USH1C: variants seen among roughly 807,000 people sequenced by gnomAD.
USH1C encodes the protein USH1 protein network component harmonin, also known as harmonin.
In USH1C, 90 loss-of-function variants were observed where a neutral mutation model predicts 119.3. That is an observed-to-expected ratio of 0.75 (90% CI 0.64 to 0.90). USH1C has a LOEUF of 0.90. USH1C is among the 40% of genes least tolerant of loss of function. The pLI, the probability that USH1C is intolerant of heterozygous loss-of-function variation, is 0.00. For synonymous variants in USH1C, 465 were observed against 443.3 expected (o/e 1.05, Z -0.62); for missense variants, 1,165 against 1,167.7 (o/e 1.00, Z 0.03).
chr11:17,498,336 G>A, intron 23 of USH1C, 65 bp from the exon 24 acceptor site: 1 of 1,433,306 alleles, frequency 7.0e-7, no homozygotes. Context: ...CCCAGGGCTT[G>A]GCAAAGGGGG....
chr11:17,517,619 G>C, intron 14 of USH1C: 2 of 795,510 alleles, frequency 2.5e-6, no homozygotes, highest in Non-Finnish European at 4.2e-6. Flanking sequence ...ACAGAGTTCA[G>C]GAGAGCAGAG....
chr11:17,515,500 C>T (rs911247895), intron 15 of USH1C, among the ~76,000 whole-genome samples: 1 of 152,116 alleles, frequency 6.6e-6, no homozygotes. Flanking sequence ...TGCCAGAAAG[C>T]GCTGGTCAAG....
intron 26 of USH1C, chr11:17,495,133 G>T (rs115006299): frequency 5.8e-4 from 143 of 245,192 alleles, no homozygotes; most frequent in African/African-American, 3.1e-3. Flanking sequence ...GCATTCACAG[G>T]AAGGGGAATT....
rs561419078 is a variant in USH1C, at chr11:17,495,653, A to T, written c.2571T>A (p.Ala857=). ...DELASLPSSV[A]ESPQPVRKLL... ...GCTTTCGGACCGGTTGGGGGCTTTC[A>T]GCTACGGAGGAGGGAAGAGAAGCTC... The change falls in exon 26 of 27, where the codon GCT becomes GCA. Residue 857 remains alanine (A), a synonymous_variant. Coordinates refer to ENST00000005226, the MANE Select transcript of USH1C (RefSeq NM_153676.4). The T allele has an allele frequency of 1.2e-6, 2 of 1,614,212 alleles. No homozygotes were observed. The highest frequency in any genetic ancestry group is 1.7e-5 in the Admixed American group (1 of 60,022).
intron 4 of USH1C, among the ~76,000 whole-genome samples, chr11:17,528,920 ATC>A (rs1204669480): frequency 6.6e-6 from 1 of 152,244 alleles, no homozygotes. Context: ...AGGAATTTGT[ATC>A]TCTGTTAATC....
chr11:17,523,609 A>C, intron 9 of USH1C, 131 bp from the exon 10 acceptor site: 1 of 853,248 alleles, frequency 1.2e-6, no homozygotes. Flanking sequence ...GCTCCTCCTG[A>C]TGAATGGAGC....
intron 14 of USH1C, among the ~76,000 whole-genome samples, chr11:17,518,589 C>A (rs2041029): frequency 0.075 from 11,374 of 152,290 alleles, 541 homozygotes; most frequent in South Asian, 0.24. Context: ...GCTGGATCAG[C>A]CACGGGTAGG....
intron 10 of USH1C, 48 bp downstream of exon 10, chr11:17,523,371 G>C (rs1165228805): frequency 6.2e-7 from 1 of 1,613,450 alleles, no homozygotes; most frequent in African/African-American, 1.3e-5. Context: ...ATGAGAAGTG[G>C]GGTGTGGAGA....
At chr11:17,537,342 AG>A (rs1484361577) in intron 1 of USH1C, among the ~76,000 whole-genome samples, 1 of 152,216 alleles carries the variant, frequency 6.6e-6, no homozygotes, top group Non-Finnish European at 1.5e-5. Context: ...ACGAAGCACT[AG>A]GCACGCAGTA....
chr11:17,496,883 C>T (rs2133768560), intron 24 of USH1C, 70 bp from the exon 25 acceptor site: 1 of 1,582,828 alleles, frequency 6.3e-7, no homozygotes, highest in Non-Finnish European at 8.7e-7. Flanking sequence ...GCACTCCATC[C>T]CCATTTCTGG....
rs727503710 is a variant in USH1C, at chr11:17,509,568, G to A, written c.1801C>T (p.Pro601Ser). 8 of 1,596,496 alleles carry A rather than the reference G, an allele frequency of 5.0e-6. No individual in the cohort carries two copies. The highest frequency in any genetic ancestry group is 6.8e-6 in the Non-Finnish European group (8 of 1,171,038). Residue 601 changes from proline (P) to serine (S), a missense_variant, in exon 18 of 27, where the codon CCC becomes TCC. By Grantham distance (74) the Pro-to-Ser change is moderately conservative. Coordinates refer to ENST00000005226, the MANE Select transcript of USH1C (RefSeq NM_153676.4). ...GGCGGGGGAGGGATGGGAATGGGGG[G>A]TGGAGTGCGCTGCACCCATGGAGAG... is the stretch of plus-strand genomic sequence containing the variant. Reference protein sequence around the residue: ...SSSPWVQRTPPPIPIPPPPSV... With the variant: ...SSSPWVQRTPSPIPIPPPPSV...
chr11:17,519,499 G>A (rs977717407), intron 14 of USH1C, among the ~76,000 whole-genome samples: 2 of 152,218 alleles, frequency 1.3e-5, no homozygotes, highest in South Asian at 2.1e-4. Flanking sequence ...TGTTTGCTGT[G>A]AAGCTGAGGC....
intron 19 of USH1C, 74 bp downstream of exon 19, chr11:17,505,756 G>C (rs1849623930): frequency 6.2e-7 from 1 of 1,605,710 alleles, no homozygotes; most frequent in Non-Finnish European, 8.5e-7. Context: ...GCCCTCCAGA[G>C]ACAGCAGAGC....
chr11:17,517,345 A>C, intron 14 of USH1C: 1 of 1,526,636 alleles, frequency 6.6e-7, no homozygotes, highest in Non-Finnish European at 8.9e-7. Context: ...GGTCAGGAGG[A>C]GGCGGGCAGG....
chr11:17,496,845 C>T lies in USH1C; in HGVS notation c.2491-32G>A, dbSNP rs769330506. The T allele has an allele frequency of 8.7e-6, 14 of 1,613,686 alleles. No homozygotes were observed. In the East Asian group the frequency reaches 1.3e-4, roughly 15 times the overall value. ...GGAGAAGCCGTGTGACTCTGGGGCA[C>T]ACTCAGTTGGATGGTGCATCTGCCC... On this transcript the variant is annotated intron_variant, in intron 24 of 26. Coordinates refer to ENST00000005226, the MANE Select transcript of USH1C (RefSeq NM_153676.4).
At position 17,504,845 on chromosome 11, in the gene USH1C, C is replaced by G. The variant is rs907302501; in HGVS notation, c.2134-148G>C. On this transcript the variant is annotated intron_variant, in intron 19 of 26. Transcript: ENST00000005226. ...GTCTGGCTTACGTTAAAGGCCTGCT[C>G]AATGCCCAAAGATGCTACCCAGTTG... The G allele has an allele frequency of 2.7e-5, 20 of 748,688 alleles. No individual in the cohort carries two copies. In the African/African-American group the frequency reaches 2.9e-4, roughly 11 times the overall value. The allele number at this position is 748,688 out of a possible 1,614,324, so 46.4% of individuals were successfully genotyped here.
intron 1 of USH1C, 98 bp downstream of exon 1, chr11:17,544,174 G>T (rs967864960): frequency 2.0e-6 from 3 of 1,526,666 alleles, no homozygotes; most frequent in Non-Finnish European, 2.7e-6. Context: ...ATCAGGTGGG[G>T]CCGGAAAAGG....
chr11:17,517,331 C>G, intron 14 of USH1C: 2 of 1,493,036 alleles, frequency 1.3e-6, no homozygotes, highest in South Asian at 2.4e-5. Context: ...GGTGTCTGCA[C>G]TGCGGTCAGG....
intron 11 of USH1C, 53 bp downstream of exon 11, chr11:17,523,158 G>A (rs1850494510): frequency 5.0e-6 from 8 of 1,612,566 alleles, no homozygotes; most frequent in Non-Finnish European, 6.8e-6. Context: ...TCAAAGGTCA[G>A]AGGGGCTGGG....
Sources: allele counts gnomAD v4.1 joint callset (sites outside exome capture counted in the v4.1 genomes callset), GRCh38; gene constraint gnomAD v4.1.1; transcripts MANE v1.5; gene names NCBI Gene and HGNC (gene_info 2026-07-23, HGNC 2026-07-21).